The following CCL25 variants were observed in gnomAD, a reference collection of about 807,000 sequenced individuals.
CCL25 encodes the protein C-C motif chemokine ligand 25.
CCL25 carries 14 observed loss-of-function variants against 19.9 expected under a neutral mutation model. The ratio of observed to expected loss-of-function variants is 0.70; its 90% confidence interval spans 0.47 to 1.10. The LOEUF is 1.10. CCL25 is among the 50% of genes least tolerant of loss of function. The pLI, the probability that CCL25 is intolerant of heterozygous loss-of-function variation, is 0.00. For missense variants in CCL25, 151 were observed against 181.2 expected (o/e 0.83, Z 0.96); for synonymous variants, 68 against 73.2 (o/e 0.93, Z 0.36).
At position 8,059,162 on chromosome 19, in the gene CCL25, TATATAATATATATA is replaced by T. The variant is rs1368768007; in HGVS notation, c.445+1248_445+1261del. 7.0e-4 allele frequency among the ~76,000 whole-genome samples: 80 copies of T among 114,122 alleles called. 1 individual carries two copies. The highest frequency in any genetic ancestry group is 2.6e-3 in the African/African-American group (77 of 29,648). The allele number at this position is 114,122 out of a possible 152,430, so 74.9% of individuals were successfully genotyped here. A position where few individuals can be genotyped will look rare whatever the true frequency, so the allele number is the denominator to read the frequency against. ...ATTATATAATATATAATATATATAATATATAATATATATAATATATAAATATATATATTATATAT... is the reference window on the plus strand; with the variant it reads ...ATTATATAATATATAATATATATAATATATATAAATATATATATTATATAT... On this transcript the variant is annotated intron_variant, in intron 5 of 5. Transcript: ENST00000315626.
intron 5 of CCL25, among the ~76,000 whole-genome samples, chr19:8,059,042 CAT>C (rs1423200870): frequency 9.0e-6 from 1 of 110,574 alleles, no homozygotes; most frequent in Non-Finnish European, 1.8e-5. Context: ...AATATATAAA[CAT>C]ATATGTAATA....
intron 2 of CCL25, among the ~76,000 whole-genome samples, 171 bp from the exon 3 acceptor site, chr19:8,055,980 AG>A (rs1171628509): frequency 6.6e-6 from 1 of 152,158 alleles, no homozygotes; most frequent in Non-Finnish European, 1.5e-5. Context: ...TCCAGGGATA[AG>A]GGGTGAGCCA....
chr19:8,059,750 C>A (rs578171393), intron 5 of CCL25, among the ~76,000 whole-genome samples: 1 of 152,168 alleles, frequency 6.6e-6, no homozygotes, highest in Admixed American at 6.6e-5. Context: ...TGGTGGCTCA[C>A]GCCTGTAATC....
chr19:8,056,305 C>CCCCCCCCAGT, intron 3 of CCL25, 36 bp downstream of exon 3: 1 of 1,599,860 alleles, frequency 6.3e-7, no homozygotes, highest in Non-Finnish European at 8.5e-7. Flanking sequence ...GGGTGGGGTG[C>CCCCCCCCAGT]ACACACAGCC....
intron 5 of CCL25, 28 bp from the exon 6 acceptor site, chr19:8,062,190 A>G (rs1426258907): frequency 6.2e-7 from 1 of 1,612,122 alleles, no homozygotes; most frequent in Admixed American, 1.7e-5. Flanking sequence ...CGTCAATTTT[A>G]CTTCGGCCTC....
intron 2 of CCL25, 92 bp from the exon 3 acceptor site, chr19:8,056,060 G>C: frequency 1.2e-6 from 1 of 828,918 alleles, no homozygotes; most frequent in Admixed American, 2.4e-5. Context: ...GGTATGAGCA[G>C]ACAGGTATGC....
intron 5 of CCL25, among the ~76,000 whole-genome samples, chr19:8,061,958 G>A (rs924486257): frequency 6.6e-6 from 1 of 151,118 alleles, no homozygotes; most frequent in Admixed American, 6.6e-5. Flanking sequence ...GCTGAGGCAG[G>A]AGAATCGCTT....
Position 8,057,810 on chromosome 19 carries a change from A to G in CCL25, c.335A>G (p.His112Arg), listed in dbSNP as rs1182941971. 1 of 1,612,852 alleles carries G rather than the reference A, an allele frequency of 6.2e-7. No homozygotes were observed. The highest frequency in any genetic ancestry group is 1.7e-5 in the Admixed American group (1 of 59,938). The change falls in exon 5 of 6, where the codon CAT (histidine) becomes CGT (arginine). Residue 112 changes from histidine (H) to arginine (R), a missense_variant. His to Arg is a conservative substitution (Grantham distance 29). Transcript: ENST00000315626. ...HNTQTFQAGP[H>R]AVKKLSSGNS... ...CTCTCCATTTCTCCAGCAGGCCCTC[A>G]TGCTGTAAAGAAGTTGAGTTCTGGA... is the stretch of plus-strand genomic sequence containing the variant.
chr19:8,057,670 A>C, intron 4 of CCL25, 131 bp from the exon 5 acceptor site: 2 of 1,353,482 alleles, frequency 1.5e-6, no homozygotes, highest in Non-Finnish European at 2.0e-6. Flanking sequence ...CCACTGGTAC[A>C]GATGGAAAGC....
intron 4 of CCL25, among the ~76,000 whole-genome samples, chr19:8,056,870 TCTTA>T (rs1439032056): frequency 1.3e-5 from 2 of 151,852 alleles, no homozygotes; most frequent in African/African-American, 4.8e-5. Context: ...TGAGACAGAG[TCTTA>T]CTGTGTCACC....
intron 2 of CCL25, 47 bp downstream of exon 2, chr19:8,053,169 C>A: frequency 1.6e-6 from 2 of 1,233,972 alleles, no homozygotes; most frequent in Non-Finnish European, 2.3e-6. Context: ...TCTCCCCATG[C>A]CCCCACCCCA....
At chr19:8,061,652 C>T (rs915709201) in intron 5 of CCL25, among the ~76,000 whole-genome samples, 16 of 152,062 alleles carry the variant, frequency 1.1e-4, no homozygotes, top group Non-Finnish European at 7.4e-5. Flanking sequence ...CCAGGACACT[C>T]CAAGGGATCC....
At chr19:8,060,075 C>A (rs1051441701) in intron 5 of CCL25, among the ~76,000 whole-genome samples, 3 of 150,608 alleles carry the variant, frequency 2.0e-5, no homozygotes, top group African/African-American at 7.3e-5. Context: ...GGCAAAAGAG[C>A]GAGACTCTGT....
chr19:8,053,177 C>T (rs1395077055), intron 2 of CCL25, 55 bp downstream of exon 2: 45 of 1,172,248 alleles, frequency 3.8e-5, no homozygotes, highest in Non-Finnish European at 5.3e-5. Flanking sequence ...TGCCCCCACC[C>T]CACCCCTTTT....
chr19:8,058,522 TATAA>T (rs1264620662), intron 5 of CCL25, among the ~76,000 whole-genome samples: 40 of 112,814 alleles, frequency 3.5e-4, no homozygotes, highest in African/African-American at 1.3e-3. Flanking sequence ...ATATATAATA[TATAA>T]ATAATATATA....
At chr19:8,056,611 C>G in intron 4 of CCL25, 112 bp downstream of exon 4, 1 of 1,232,768 alleles carries the variant, frequency 8.1e-7, no homozygotes, top group Non-Finnish European at 1.1e-6. Flanking sequence ...TGACACCTGC[C>G]TGAACCCCAA....
At chr19:8,053,417 T>C (rs2145278130) in intron 2 of CCL25, among the ~76,000 whole-genome samples, 1 of 152,140 alleles carries the variant, frequency 6.6e-6, no homozygotes, top group South Asian at 2.1e-4. Flanking sequence ...CTGCCAGGGA[T>C]GTATTGTAGA....
chr19:8,061,090 G>A (rs999011064), intron 5 of CCL25, among the ~76,000 whole-genome samples: 3 of 150,094 alleles, frequency 2.0e-5, no homozygotes, highest in African/African-American at 7.4e-5. Flanking sequence ...GTGGGTTCAG[G>A]TGATTCTCCT....
At chr19:8,060,746 T>A (rs968034526) in intron 5 of CCL25, among the ~76,000 whole-genome samples, 1 of 151,526 alleles carries the variant, frequency 6.6e-6, no homozygotes, top group Admixed American at 6.6e-5. Flanking sequence ...AGTGGCATGA[T>A]CTCGGCTCAC....
Sources: gnomAD v4.1 joint callset for allele counts (sites outside exome capture counted in the v4.1 genomes callset) on GRCh38, gnomAD v4.1.1 for gene constraint, MANE v1.5 for transcripts, NCBI Gene and HGNC (gene_info 2026-07-23, HGNC 2026-07-21) for gene names.